ADGRB3: variants seen among roughly 807,000 people sequenced by gnomAD.
ADGRB3 encodes brain-specific angiogenesis inhibitor 3.
In ADGRB3, 37 loss-of-function variants were observed where a neutral mutation model predicts 193.4. The ratio of observed to expected loss-of-function variants is 0.19; its 90% CI spans 0.15 to 0.25. The LOEUF (loss-of-function observed/expected upper bound fraction) is 0.25, where lower values mean the gene tolerates loss of function less well. Among genes scored for constraint, ADGRB3 ranks in the 10% least tolerant of loss-of-function variants. The probability of loss-of-function intolerance (pLI) is 1.00; values close to 1 mark genes in which losing one functional copy is unlikely to be tolerated. For synonymous variants in ADGRB3, 690 were observed against 644.2 expected, an observed-to-expected ratio of 1.07 and a Z score of -1.08; for missense variants, 1,637 against 1,852.9, an observed-to-expected ratio of 0.88 and a Z score of 2.14.
intron 6 of ADGRB3, among the ~76,000 whole-genome samples, chr6:68,948,319 A>G (rs1011639051): frequency 1.3e-5 from 2 of 152,158 alleles, no homozygotes; most frequent in Non-Finnish European, 2.9e-5. Flanking sequence ...AATTAGGTCT[A>G]GCTGTAAGTG....
chr6:68,888,752 A>G (rs898511014), intron 3 of ADGRB3, among the ~76,000 whole-genome samples: 52 of 152,292 alleles, frequency 3.4e-4, no homozygotes, highest in African/African-American at 1.2e-3. Context: ...CTATGAGGAA[A>G]TGACATTTAA....
At chr6:68,672,620 T>C (rs1411616455) in intron 3 of ADGRB3, among the ~76,000 whole-genome samples, 1 of 152,026 alleles carries the variant, frequency 6.6e-6, no homozygotes, top group Non-Finnish European at 1.5e-5. Context: ...GAGTGCGCAA[T>C]ATCTGGGTTG....
At chr6:68,661,339 ATATGTGTGTGTGTGTGTGTGTGTG>A (rs1561986231) in intron 3 of ADGRB3, among the ~76,000 whole-genome samples, 4,291 of 88,184 alleles carry the variant, frequency 0.049, 113 homozygotes, top group Non-Finnish European at 0.069. Flanking sequence ...ATATATATAT[ATATGTGTGTGTGTGTGTGTGTGTG>A]TATATATATG....
chr6:69,212,525 GA>G (rs3839473), intron 17 of ADGRB3, among the ~76,000 whole-genome samples: 53,609 of 150,202 alleles, frequency 0.36, 11,099 homozygotes, highest in African/African-American at 0.58. Context: ...TATTTTAAAA[GA>G]AAAAAAAAAT....
rs72915008 is a variant in ADGRB3 at position 69,280,365 on chromosome 6, T to C, written c.2814+41139T>C. 5.8e-3 allele frequency among the ~76,000 whole-genome samples: 877 copies of C among 152,246 alleles called. 3 individuals carry two copies. Among genetic ancestry groups the C allele is most frequent in the Admixed American group, 8.8e-3 (135 of 15,290 alleles). On this transcript the variant is annotated intron_variant, in intron 20 of 31. Transcript: ENST00000370598. ...GTCTCACTGCCCTACATATATTTGA[T>C]TTCAGTCTGTGTCTTCCTGAGAGGC...
chr6:69,197,545 T>C (rs1765328136), intron 17 of ADGRB3, among the ~76,000 whole-genome samples: 1 of 151,996 alleles, frequency 6.6e-6, no homozygotes, highest in African/African-American at 2.4e-5. Context: ...GCATAATAAT[T>C]CACGGAAAGG....
chr6:69,366,415 T>C (rs559473075), intron 29 of ADGRB3, among the ~76,000 whole-genome samples: 1 of 152,268 alleles, frequency 6.6e-6, no homozygotes, highest in African/African-American at 2.4e-5. Context: ...GTGGAATTTA[T>C]TACTTGCTGT....
At chr6:68,964,668 G>T (rs1305039080) in intron 8 of ADGRB3, among the ~76,000 whole-genome samples, 3 of 152,028 alleles carry the variant, frequency 2.0e-5, no homozygotes. Context: ...AATTAACTTT[G>T]TTATCAGGTT....
intron 20 of ADGRB3, among the ~76,000 whole-genome samples, chr6:69,292,490 G>A (rs991371222): frequency 6.6e-6 from 1 of 152,134 alleles, no homozygotes; most frequent in Non-Finnish European, 1.5e-5. Context: ...GTATATGAAT[G>A]CATTTGTTGA....
chr6:68,897,841 A>G (rs1006171822), intron 3 of ADGRB3, among the ~76,000 whole-genome samples: 1 of 149,630 alleles, frequency 6.7e-6, no homozygotes, highest in Non-Finnish European at 1.5e-5. Context: ...AGAAAAAGAG[A>G]AAGAAAGAAG....
Position 69,124,137 on chromosome 6 carries a change from C to T in ADGRB3, c.2480+48099C>T, listed in dbSNP as rs778215869. Among the ~76,000 whole-genome samples, 8 of 151,404 alleles carry T rather than the reference C, an allele frequency of 5.3e-5. No individual in the cohort carries two copies. In the East Asian group the frequency reaches 7.8e-4, roughly 15 times the overall value. ...ATTTTTAACTCTCTGTAATTTTTGA[C>T]GTATCTTTATCTTTATATTTTACAA... is the stretch of plus-strand genomic sequence containing the variant. On this transcript the variant is annotated intron_variant, in intron 17 of 31. Transcript: ENST00000370598.
intron 10 of ADGRB3, among the ~76,000 whole-genome samples, chr6:68,987,660 T>A (rs1769118435): frequency 6.6e-6 from 1 of 152,048 alleles, no homozygotes; most frequent in African/African-American, 2.4e-5. Context: ...GGCTCAAATC[T>A]CCATAGTCAC....
chr6:68,842,157 C>G (rs1406869435), intron 3 of ADGRB3, among the ~76,000 whole-genome samples: 1 of 151,242 alleles, frequency 6.6e-6, no homozygotes, highest in Non-Finnish European at 1.5e-5. Context: ...ACTAAGTACC[C>G]ACAAAAATTA....
At chr6:69,072,391 C>T (rs981294721) in intron 16 of ADGRB3, among the ~76,000 whole-genome samples, 2 of 152,058 alleles carry the variant, frequency 1.3e-5, no homozygotes, top group Non-Finnish European at 2.9e-5. Context: ...GAGAATAAAA[C>T]TGAATGTTGA....
chr6:69,324,188 AT>A (rs1309116738), intron 20 of ADGRB3, among the ~76,000 whole-genome samples: 1 of 152,148 alleles, frequency 6.6e-6, no homozygotes. Flanking sequence ...AAAAATATCT[AT>A]AAAATCTTAG....
intron 3 of ADGRB3, among the ~76,000 whole-genome samples, chr6:68,677,496 A>C (rs1290198688): frequency 7.1e-6 from 1 of 140,502 alleles, no homozygotes; most frequent in Non-Finnish European, 1.6e-5. Context: ...TATCATAGGA[A>C]TTTTTTTCTT....
chr6:69,078,745 C>T (rs1163420710), intron 17 of ADGRB3, among the ~76,000 whole-genome samples: 3 of 152,018 alleles, frequency 2.0e-5, no homozygotes, highest in Middle Eastern at 3.4e-3. Context: ...TATATAACCC[C>T]GTTTGATACT....
intron 17 of ADGRB3, among the ~76,000 whole-genome samples, chr6:69,091,819 A>G (rs1011102493): frequency 6.6e-6 from 1 of 152,180 alleles, no homozygotes; most frequent in Non-Finnish European, 1.5e-5. Context: ...ATAAAAATTA[A>G]CCTTCCATAT....
rs756465278 is a variant in ADGRB3 at position 69,233,308 on chromosome 6, G to A, written c.2499G>A (p.Thr833=). The A allele has an allele frequency of 1.5e-5, 24 of 1,613,516 alleles. No homozygotes were observed. Among genetic ancestry groups the A allele is most frequent in the Non-Finnish European group, 1.9e-5 (23 of 1,179,844 alleles). The part of the protein sequence containing the change: ...DDSKTNESLG[T]WSTQGCKTVL... ...TTTGCAGGAACGAGTCTTTGGGAAC[G>A]TGGTCCACCCAGGGATGTAAAACTG... Residue 833 remains threonine, a synonymous_variant, in exon 18 of 32, where the codon ACG becomes ACA. Coordinates refer to ENST00000370598, the MANE Select transcript of ADGRB3 (RefSeq NM_001704.3).
Sources: gnomAD v4.1 joint callset for allele counts (sites outside exome capture counted in the v4.1 genomes callset) on GRCh38, gnomAD v4.1.1 for gene constraint, MANE v1.5 for transcripts, NCBI Gene and HGNC (gene_info 2026-07-23, HGNC 2026-07-21) for gene names.